ANXA11: variants seen among roughly 807,000 people sequenced by gnomAD.
ANXA11 encodes annexin A11, also known as 56 kDa autoantigen.
ANXA11 carries 57 observed loss-of-function variants against 64.7 expected under a neutral mutation model. That is an observed-to-expected ratio of 0.88 (90% CI 0.71 to 1.10). The LOEUF is 1.10. ANXA11 is among the 50% of genes least tolerant of loss of function. The pLI is 0.00. For synonymous variants in ANXA11, 260 were observed against 265.2 expected, an observed-to-expected ratio of 0.98 and a Z score of 0.19; for missense variants, 675 against 670.7, an observed-to-expected ratio of 1.01 and a Z score of -0.07.
Position 80,157,731 on chromosome 10 carries a change from G to A in ANXA11, c.1368C>T (p.Arg456=). The A allele has an allele frequency of 6.2e-7, 1 of 1,613,928 alleles. No homozygotes were observed. Among genetic ancestry groups the A allele is most frequent in the Non-Finnish European group, 8.5e-7 (1 of 1,179,938 alleles). Residue 456 remains arginine (R), a synonymous_variant, in exon 15 of 16, where the codon CGC becomes CGT. Coordinates refer to ENST00000422982, the MANE Select transcript of ANXA11 (RefSeq NM_145868.2). ...CGGTCTCGCTGCGAGACACCATGAT[G>A]CGAATCAGGGTCCGGTCCTTTGTTC... ...GAGTKDRTLI[R]IMVSRSETDL... is the part of the protein sequence containing the mutation.
At chr10:80,204,228 T>C (rs974220806) in intron 1 of ANXA11, among the ~76,000 whole-genome samples, 4 of 152,260 alleles carry the variant, frequency 2.6e-5, no homozygotes, top group Admixed American at 1.3e-4. Context: ...CAAACTGCCC[T>C]GGCACCTCAC....
chr10:80,168,939 G>A (rs1225254945), intron 5 of ANXA11, 30 bp downstream of exon 5: 3 of 1,497,224 alleles, frequency 2.0e-6, no homozygotes, highest in Non-Finnish European at 2.7e-6. Flanking sequence ...CCCAGGCCTG[G>A]ACCAAGGGAG....
intron 2 of ANXA11, among the ~76,000 whole-genome samples, chr10:80,174,267 T>C (rs143156460): frequency 1.6e-3 from 241 of 152,078 alleles, no homozygotes; most frequent in African/African-American, 5.5e-3. Flanking sequence ...TCTTTTTAAG[T>C]TTTTTTATTA....
At chr10:80,173,055 C>A in intron 2 of ANXA11, 186 bp from the exon 3 acceptor site, 1 of 572,622 alleles carries the variant, frequency 1.7e-6, no homozygotes, top group Non-Finnish European at 3.1e-6. Flanking sequence ...AGAAACAGTA[C>A]CCACCAGCAT....
At chr10:80,199,441 G>A (rs1438421886) in intron 1 of ANXA11, among the ~76,000 whole-genome samples, 1 of 152,018 alleles carries the variant, frequency 6.6e-6, no homozygotes, top group Admixed American at 6.6e-5. Context: ...AAAACTAAGG[G>A]TTGGGCAAAG....
chr10:80,168,119 A>G (rs1473757156), intron 5 of ANXA11, among the ~76,000 whole-genome samples: 1 of 146,538 alleles, frequency 6.8e-6, no homozygotes, highest in Non-Finnish European at 1.5e-5. Context: ...GGGCCACAGA[A>G]CCATGACAAC....
Position 80,167,270 on chromosome 10 carries a change from G to T in ANXA11, c.605C>A (p.Pro202His), listed in dbSNP as rs1043266682. 8 of 1,613,986 alleles carry T rather than the reference G, an allele frequency of 5.0e-6. No individual in the cohort carries two copies. The highest frequency in any genetic ancestry group is 6.8e-6 in the Non-Finnish European group (8 of 1,180,026). ...CCGCAGGACCTCGGCATCTCGCAGG[G>T]GGTCAAAGCCGGGAGCATCAGTGAT... ...GTITDAPGFD[P>H]LRDAEVLRKA... Residue 202 changes from proline to histidine, a missense_variant, in exon 6 of 16, where the codon CCC (proline) becomes CAC (histidine). Coordinates refer to ENST00000422982, the MANE Select transcript of ANXA11 (RefSeq NM_145868.2).
chr10:80,202,496 C>G (rs1840475783), intron 1 of ANXA11, among the ~76,000 whole-genome samples: 1 of 152,108 alleles, frequency 6.6e-6, no homozygotes, highest in African/African-American at 2.4e-5. Flanking sequence ...CAACAACTCC[C>G]TTTAAAAGCA....
chr10:80,184,568 C>T (rs1846469575), intron 1 of ANXA11, among the ~76,000 whole-genome samples: 1 of 151,774 alleles, frequency 6.6e-6, no homozygotes, highest in African/African-American at 2.4e-5. Context: ...GTTTATATAA[C>T]TAATACGAGA....
Position 80,174,562 on chromosome 10 carries a change from C to A in ANXA11, c.-9+1545G>T, listed in dbSNP as rs137972151. 3.1e-3 allele frequency among the ~76,000 whole-genome samples: 461 copies of A among 150,886 alleles called. 4 individuals are homozygous for A. Among genetic ancestry groups the A allele is most frequent in the African/African-American group, 0.011 (439 of 40,996 alleles). Reference sequence around the variant, plus strand: ...AAAGTGTTAAGATTACAGGCATGAGCCACCATGCCTGGCCTACTTTTATTT... The same window carrying A: ...AAAGTGTTAAGATTACAGGCATGAGACACCATGCCTGGCCTACTTTTATTT... On this transcript the variant is annotated intron_variant, in intron 2 of 15. Coordinates refer to ENST00000422982, the MANE Select transcript of ANXA11 (RefSeq NM_145868.2).
chr10:80,170,724 A>C, intron 4 of ANXA11, 76 bp downstream of exon 4: 1 of 1,202,726 alleles, frequency 8.3e-7, no homozygotes, highest in Non-Finnish European at 1.1e-6. Flanking sequence ...CTGGAGCCCC[A>C]GAGGCCAGCA....
At chr10:80,194,668 G>A (rs544421374) in intron 1 of ANXA11, among the ~76,000 whole-genome samples, 13 of 152,284 alleles carry the variant, frequency 8.5e-5, no homozygotes, top group Non-Finnish European at 1.6e-4. Context: ...CAATGAGTGC[G>A]CCTGCAGGGC....
At chr10:80,187,665 CT>C (rs1846599396) in intron 1 of ANXA11, among the ~76,000 whole-genome samples, 2 of 151,128 alleles carry the variant, frequency 1.3e-5, no homozygotes, top group African/African-American at 4.8e-5. Context: ...AGGTCTCTGT[CT>C]TTGTTTACCC....
At chr10:80,158,140 C>A in intron 13 of ANXA11, 115 bp from the exon 14 acceptor site, 1 of 897,622 alleles carries the variant, frequency 1.1e-6, no homozygotes, top group Non-Finnish European at 1.8e-6. Context: ...TCACTGCATC[C>A]ATCTTTTCTC....
chr10:80,186,434 T>C (rs1486008270), intron 1 of ANXA11, among the ~76,000 whole-genome samples: 1 of 152,002 alleles, frequency 6.6e-6, no homozygotes, highest in Non-Finnish European at 1.5e-5. Flanking sequence ...CAACAGGAAA[T>C]TGGCGCTGTT....
intron 12 of ANXA11, among the ~76,000 whole-genome samples, chr10:80,159,894 CATCT>C (rs1249302130): frequency 4.6e-5 from 7 of 152,222 alleles, no homozygotes; most frequent in Non-Finnish European, 1.0e-4. Flanking sequence ...TTCATGCATC[CATCT>C]GTCTTCCTCA....
At chr10:80,204,416 C>T (rs1243929081) in intron 1 of ANXA11, among the ~76,000 whole-genome samples, 2 of 152,024 alleles carry the variant, frequency 1.3e-5, no homozygotes, top group Non-Finnish European at 2.9e-5. Context: ...GTCCCTGTTG[C>T]GTGGGCAGGG....
At position 80,171,929 on chromosome 10, in the gene ANXA11, A is replaced by G. The variant is rs542037975; in HGVS notation, c.55+878T>C. On this transcript the variant is annotated intron_variant, in intron 3 of 15. Coordinates refer to ENST00000422982, the MANE Select transcript of ANXA11 (RefSeq NM_145868.2). ...GCAGTGGCCCAGCTCAGCCCCTAAC[A>G]TGCCCTGGGACAGCAGCTGAGCCAC... 1.9e-4 allele frequency: 183 copies of G among 985,134 alleles called. 1 individual carries two copies. In the African/African-American group the frequency reaches 2.9e-3, roughly 16 times the overall value. The allele number at this position is 985,134 out of a possible 1,614,324, so 61.0% of individuals were successfully genotyped here. A position where few individuals can be genotyped will look rare whatever the true frequency, so the allele number is the denominator to read the frequency against.
chr10:80,196,799 C>T (rs1840190499), intron 1 of ANXA11, among the ~76,000 whole-genome samples: 1 of 152,182 alleles, frequency 6.6e-6, no homozygotes, highest in African/African-American at 2.4e-5. Context: ...ATGCCAGGAA[C>T]TAAAATAGCT....
Sources: allele counts gnomAD v4.1 joint callset (sites outside exome capture counted in the v4.1 genomes callset), GRCh38; gene constraint gnomAD v4.1.1; transcripts MANE v1.5; gene names NCBI Gene and HGNC (gene_info 2026-07-23, HGNC 2026-07-21).